Variants in CNTN5 observed in about 807,000 individuals in gnomAD.
The protein encoded by CNTN5 is contactin-5.
A neutral mutation model predicts 129.1 loss-of-function variants in CNTN5; 77 were observed. The ratio of observed to expected loss-of-function variants is 0.60; its 90% CI spans 0.50 to 0.72. The LOEUF (loss-of-function observed/expected upper bound fraction) is 0.72. Among genes scored for constraint, CNTN5 ranks in the 30% least tolerant of loss-of-function variants. The probability of loss-of-function intolerance (pLI) is 0.00; values close to 1 mark genes in which losing one functional copy is unlikely to be tolerated. For synonymous variants in CNTN5, 509 were observed against 465.6 expected (o/e 1.09, Z -1.20); for missense variants, 1,478 against 1,328.8 (o/e 1.11, Z -1.75).
intron 2 of CNTN5, among the ~76,000 whole-genome samples, chr11:99,353,697 A>T (rs1425227003): frequency 6.6e-6 from 1 of 152,190 alleles, no homozygotes; most frequent in Non-Finnish European, 1.5e-5. Context: ...AGGACTACCA[A>T]GACATTTGCA....
At chr11:99,763,182 T>A (rs1243020931) in intron 3 of CNTN5, among the ~76,000 whole-genome samples, 1 of 152,166 alleles carries the variant, frequency 6.6e-6, no homozygotes, top group Non-Finnish European at 1.5e-5. Flanking sequence ...GTATTTGTAA[T>A]TATTTGAAAT....
At chr11:99,886,252 G>T (rs1009875645) in intron 6 of CNTN5, among the ~76,000 whole-genome samples, 5 of 151,910 alleles carry the variant, frequency 3.3e-5, no homozygotes, top group Admixed American at 3.3e-4. Flanking sequence ...GCATAAAAAT[G>T]TACATACTAA....
At chr11:99,936,230 C>T (rs528975797) in intron 7 of CNTN5, among the ~76,000 whole-genome samples, 19 of 152,294 alleles carry the variant, frequency 1.2e-4, no homozygotes, top group African/African-American at 4.6e-4. Context: ...GCAGGGGTTG[C>T]AGACATAAGC....
At chr11:99,374,601 G>A (rs1244594581) in intron 2 of CNTN5, among the ~76,000 whole-genome samples, 3 of 151,974 alleles carry the variant, frequency 2.0e-5, no homozygotes, top group Admixed American at 1.3e-4. Flanking sequence ...GGAGAATGGC[G>A]TGAACCCAGG....
Position 100,176,694 on chromosome 11 carries a change from T to G in CNTN5, c.1581-14432T>G, listed in dbSNP as rs1012424697. On this transcript the variant is annotated intron_variant, in intron 13 of 24. Coordinates refer to ENST00000524871, the MANE Select transcript of CNTN5 (RefSeq NM_014361.4). Reference sequence around the variant, plus strand: ...TAGAATAATGGTCTCCAAATAGAAGTCTGAGCAATTTAGAGAGTGAGCAAG... The same window carrying G: ...TAGAATAATGGTCTCCAAATAGAAGGCTGAGCAATTTAGAGAGTGAGCAAG... 1.8e-4 allele frequency among the ~76,000 whole-genome samples: 28 copies of G among 152,028 alleles called. 1 individual carries two copies.
intron 13 of CNTN5, among the ~76,000 whole-genome samples, chr11:100,092,587 C>T (rs939702261): frequency 6.6e-6 from 1 of 152,168 alleles, no homozygotes; most frequent in African/African-American, 2.4e-5. Flanking sequence ...TAGCTTTGCT[C>T]TCCAAACTGT....
At chr11:99,557,292 A>G (rs1402695660) in intron 3 of CNTN5, among the ~76,000 whole-genome samples, 1 of 151,314 alleles carries the variant, frequency 6.6e-6, no homozygotes, top group African/African-American at 2.4e-5. Flanking sequence ...ACACATGTTC[A>G]AGATATGTAT....
At position 100,080,062 on chromosome 11, in the gene CNTN5, T is replaced by A. The variant is rs1190193909; in HGVS notation, c.1580+5768T>A. Among the ~76,000 whole-genome samples, 3 of 152,156 alleles carry A rather than the reference T, an allele frequency of 2.0e-5. No individual in the cohort carries two copies. In the South Asian group the frequency reaches 6.2e-4, roughly 31 times the overall value. ...AGTTTTTGATAAAGGTATAGTTTATTTTGTTTCCTTTCCATAAGTGCATAT... is the reference window on the plus strand; with the variant it reads ...AGTTTTTGATAAAGGTATAGTTTATATTGTTTCCTTTCCATAAGTGCATAT... On this transcript the variant is annotated intron_variant, in intron 13 of 24. Transcript: ENST00000524871.
chr11:99,658,520 A>G (rs1309168962), intron 3 of CNTN5, among the ~76,000 whole-genome samples: 2 of 152,062 alleles, frequency 1.3e-5, no homozygotes, highest in Non-Finnish European at 2.9e-5. Context: ...TTACTCTTGC[A>G]TCACATTTAA....
intron 1 of CNTN5, among the ~76,000 whole-genome samples, chr11:99,198,198 A>C (rs1427968843): frequency 6.6e-6 from 1 of 152,140 alleles, no homozygotes; most frequent in Non-Finnish European, 1.5e-5. Context: ...TGAAATCTGC[A>C]AGTATAAGCT....
Position 99,950,794 on chromosome 11 carries a change from C to G in CNTN5, c.674-6012C>G, listed in dbSNP as rs1050390939. On this transcript the variant is annotated intron_variant, in intron 7 of 24. Transcript: ENST00000524871. ...TTACTACCACGTAGACATTATTGTC[C>G]CATTTTATGGATAGTGAAACTAAAG... Among the ~76,000 whole-genome samples, 8 of 151,872 alleles carry G rather than the reference C, an allele frequency of 5.3e-5. 1 individual carries two copies. Among genetic ancestry groups the G allele is most frequent in the African/African-American group, 1.9e-4 (8 of 41,304 alleles).
chr11:99,204,521 C>A (rs10892899), intron 1 of CNTN5, among the ~76,000 whole-genome samples: 53,615 of 151,986 alleles, frequency 0.35, 9,543 homozygotes, highest in Middle Eastern at 0.41. Context: ...GGAAATTTAA[C>A]ATTATAGGGA....
chr11:99,399,354 A>T (rs1326896055), intron 2 of CNTN5, among the ~76,000 whole-genome samples: 2 of 151,772 alleles, frequency 1.3e-5, no homozygotes, highest in African/African-American at 2.4e-5. Flanking sequence ...TTATTCGATA[A>T]AAGGGATTTT....
chr11:99,816,707 CT>C (rs1946598963), intron 3 of CNTN5, among the ~76,000 whole-genome samples: 1 of 152,176 alleles, frequency 6.6e-6, no homozygotes, highest in African/African-American at 2.4e-5. Context: ...TGATCTAGAA[CT>C]TACGTTGCTC....
At chr11:99,128,957 T>C (rs772461598) in intron 1 of CNTN5, among the ~76,000 whole-genome samples, 4 of 152,116 alleles carry the variant, frequency 2.6e-5, no homozygotes, top group African/African-American at 4.8e-5. Context: ...TATCCGAAGA[T>C]TGACAGCCTC....
chr11:100,339,907 T>G (rs1338469388), intron 21 of CNTN5, among the ~76,000 whole-genome samples: 4 of 152,176 alleles, frequency 2.6e-5, no homozygotes, highest in Non-Finnish European at 4.4e-5. Context: ...AGCTGTTCCT[T>G]TCTGCCTCCC....
intron 8 of CNTN5, among the ~76,000 whole-genome samples, chr11:99,966,785 A>G (rs956156902): frequency 6.6e-6 from 1 of 152,170 alleles, no homozygotes; most frequent in African/African-American, 2.4e-5. Flanking sequence ...ACTTACATAA[A>G]TTCAAATATC....
chr11:99,211,615 C>CT (rs939756604), intron 1 of CNTN5, among the ~76,000 whole-genome samples: 3 of 149,890 alleles, frequency 2.0e-5, no homozygotes, highest in African/African-American at 7.3e-5. Flanking sequence ...AGTTTCTTCT[C>CT]TTTTTTTAAT....
In CNTN5 at chr11:99,990,188, C is replaced by T. The variant is rs570869847; in HGVS notation, c.878-11846C>T. Among the ~76,000 whole-genome samples the T allele has an allele frequency of 4.7e-4, 72 of 152,112 alleles. 1 individual carries two copies. Among genetic ancestry groups the T allele is most frequent in the African/African-American group, 1.5e-3 (64 of 41,496 alleles). On this transcript the variant is annotated intron_variant, in intron 8 of 24. Transcript: ENST00000524871. ...TATTGATGCACATGGAAGGAGCCCT[C>T]AAATGATGGTGGAAAGACATGAATA...
Sources: gnomAD v4.1 joint callset for allele counts (sites outside exome capture counted in the v4.1 genomes callset) on GRCh38, gnomAD v4.1.1 for gene constraint, MANE v1.5 for transcripts, NCBI Gene and HGNC (gene_info 2026-07-23, HGNC 2026-07-21) for gene names.